PTPRD: variants seen among roughly 807,000 people sequenced by gnomAD.
PTPRD encodes the protein protein tyrosine phosphatase receptor type D.
In PTPRD, 34 loss-of-function variants were observed where a neutral mutation model predicts 214.5. That is an observed-to-expected ratio of 0.16 (90% CI 0.12 to 0.21). PTPRD has a LOEUF of 0.21. PTPRD is among the 10% of genes least tolerant of loss of function. PTPRD has a pLI of 1.00. For synonymous variants in PTPRD, 1,128 were observed against 845.7 expected, an observed-to-expected ratio of 1.33 and a Z score of -5.79; for missense variants, 2,545 against 2,398.7, an observed-to-expected ratio of 1.06 and a Z score of -1.27.
chr9:10,323,354 G>C (rs1477169492), intron 3 of PTPRD, among the ~76,000 whole-genome samples: 1 of 147,626 alleles, frequency 6.8e-6, no homozygotes, highest in Non-Finnish European at 1.5e-5. Flanking sequence ...GAATGCAGTG[G>C]TGTGATTTTG....
intron 7 of PTPRD, among the ~76,000 whole-genome samples, chr9:9,671,882 G>A (rs1413223780): frequency 6.6e-6 from 1 of 152,076 alleles, no homozygotes; most frequent in African/African-American, 2.4e-5. Flanking sequence ...ACTAATACAG[G>A]GGAAGACTTA....
At chr9:10,231,956 TAGAGAGAGAGAGAGAGAG>T (rs56151511) in intron 3 of PTPRD, among the ~76,000 whole-genome samples, 3 of 109,076 alleles carry the variant, frequency 2.8e-5, no homozygotes, top group Admixed American at 9.1e-5. Flanking sequence ...GGGAATGAAT[TAGAGAGAGAGAGAGAGAG>T]AGAGAGAGAG....
At chr9:9,652,350 A>T (rs1359449626) in intron 7 of PTPRD, among the ~76,000 whole-genome samples, 1 of 152,164 alleles carries the variant, frequency 6.6e-6, no homozygotes, top group Admixed American at 6.5e-5. Flanking sequence ...GAAACTTATC[A>T]TTGGCATTAA....
At chr9:9,381,081 T>C (rs1188063848) in intron 9 of PTPRD, among the ~76,000 whole-genome samples, 3 of 152,172 alleles carry the variant, frequency 2.0e-5, no homozygotes, top group Admixed American at 6.5e-5. Context: ...GATTTTTATA[T>C]AAATGTGGCT....
chr9:10,001,908 T>C (rs1047502749), intron 4 of PTPRD, among the ~76,000 whole-genome samples: 1 of 151,948 alleles, frequency 6.6e-6, no homozygotes, highest in African/African-American at 2.4e-5. Flanking sequence ...ATAATGTAAA[T>C]ATATTTTTGT....
intron 12 of PTPRD, among the ~76,000 whole-genome samples, chr9:8,710,051 G>C (rs756098527): frequency 6.6e-6 from 1 of 152,124 alleles, no homozygotes; most frequent in East Asian, 1.9e-4. Context: ...AGGCTAATAA[G>C]GGTTCTTAAA....
At chr9:8,492,527 G>C (rs541670909) in intron 27 of PTPRD, among the ~76,000 whole-genome samples, 1 of 150,178 alleles carries the variant, frequency 6.7e-6, no homozygotes, top group African/African-American at 2.5e-5. Flanking sequence ...TTCAGAAAGT[G>C]AATTTCATGA....
At chr9:9,198,019 T>C (rs1271523061) in intron 9 of PTPRD, among the ~76,000 whole-genome samples, 1 of 152,180 alleles carries the variant, frequency 6.6e-6, no homozygotes, top group Non-Finnish European at 1.5e-5. Flanking sequence ...ATAAGTGTTA[T>C]GCAGTGAAAG....
At chr9:8,584,355 T>C (rs892103779) in intron 14 of PTPRD, among the ~76,000 whole-genome samples, 1 of 152,000 alleles carries the variant, frequency 6.6e-6, no homozygotes, top group Non-Finnish European at 1.5e-5. Context: ...CCCAGACCAT[T>C]AGGTTGGGTA....
intron 10 of PTPRD, among the ~76,000 whole-genome samples, chr9:9,116,288 T>C (rs903069918): frequency 1.2e-4 from 18 of 152,074 alleles, no homozygotes; most frequent in African/African-American, 4.1e-4. Context: ...TATTCAGCCA[T>C]AAATACAGAC....
intron 11 of PTPRD, among the ~76,000 whole-genome samples, chr9:8,770,772 C>T (rs533156505): frequency 9.2e-5 from 14 of 152,040 alleles, no homozygotes; most frequent in East Asian, 1.9e-4. Context: ...TGGGCAAAAA[C>T]GTCAAATATT....
intron 11 of PTPRD, among the ~76,000 whole-genome samples, chr9:8,802,569 G>C (rs1457333901): frequency 1.3e-5 from 2 of 152,192 alleles, no homozygotes; most frequent in Non-Finnish European, 2.9e-5. Context: ...GCCTCACTCA[G>C]CCTGCAGGAA....
chr9:8,382,117 G>C (rs1349092307), intron 37 of PTPRD, among the ~76,000 whole-genome samples: 4 of 152,160 alleles, frequency 2.6e-5, no homozygotes, highest in African/African-American at 9.7e-5. Context: ...AGTATCATTA[G>C]ATGACTCAAT....
At chr9:9,068,861 T>G (rs998981017) in intron 10 of PTPRD, among the ~76,000 whole-genome samples, 5 of 152,096 alleles carry the variant, frequency 3.3e-5, no homozygotes, top group Non-Finnish European at 7.4e-5. Flanking sequence ...CTTCCCTCCT[T>G]GACCCCCCAA....
chr9:9,357,832 T>C (rs921452921), intron 9 of PTPRD, among the ~76,000 whole-genome samples: 4 of 150,188 alleles, frequency 2.7e-5, no homozygotes, highest in African/African-American at 9.8e-5. Flanking sequence ...TATTTATTGA[T>C]TGGACTTGAG....
chr9:8,530,895 G>T (rs1017338592), intron 14 of PTPRD, among the ~76,000 whole-genome samples: 1 of 152,074 alleles, frequency 6.6e-6, no homozygotes, highest in Non-Finnish European at 1.5e-5. Flanking sequence ...TGGCTCTCCC[G>T]CTGGGCAGGA....
At chr9:9,012,741 C>A (rs2099516864) in intron 11 of PTPRD, among the ~76,000 whole-genome samples, 1 of 152,066 alleles carries the variant, frequency 6.6e-6, no homozygotes, top group African/African-American at 2.4e-5. Context: ...GCCATTCTGC[C>A]ATCCAGGATA....
intron 36 of PTPRD, 62 bp from the exon 37 acceptor site, chr9:8,389,469 C>T (rs997775366): frequency 3.8e-6 from 5 of 1,318,262 alleles, no homozygotes; most frequent in African/African-American, 1.5e-5. Context: ...CAGCCTGGGA[C>T]ATGACCTAAT....
intron 3 of PTPRD, among the ~76,000 whole-genome samples, chr9:10,109,146 TA>T (rs2098666212): frequency 6.6e-6 from 1 of 152,218 alleles, no homozygotes; most frequent in Non-Finnish European, 1.5e-5. Flanking sequence ...CTTAAAAATC[TA>T]AACAGGAGGC....
Sources: gnomAD v4.1 joint callset for allele counts (sites outside exome capture counted in the v4.1 genomes callset) on GRCh38, gnomAD v4.1.1 for gene constraint, MANE v1.5 for transcripts, NCBI Gene and HGNC (gene_info 2026-07-23, HGNC 2026-07-21) for gene names.